Variants in NEB observed in about 807,000 individuals in gnomAD.
NEB encodes nebulin.
Under a neutral mutation model 952.2 loss-of-function variants are expected in NEB, and 512 were observed. The observed-to-expected ratio is 0.54, with a 90% CI of 0.50 to 0.58. The LOEUF is 0.58. NEB is among the 20% of genes least tolerant of loss of function. The probability of loss-of-function intolerance (pLI) is 0.00; values close to 1 mark genes in which losing one functional copy is unlikely to be tolerated. For synonymous variants in NEB, 2,900 were observed against 3,149.8 expected (o/e 0.92, Z 2.66); for missense variants, 8,428 against 9,231.1 (o/e 0.91, Z 3.56).
In NEB at chr2:151,531,897, C is replaced by T. The variant is rs2153501801; in HGVS notation, c.21418-1G>A. The T allele has an allele frequency of 6.5e-7, 1 of 1,537,654 alleles. No individual in the cohort carries two copies. The highest frequency in any genetic ancestry group is 8.8e-7 in the Non-Finnish European group (1 of 1,134,616). ...TTTCATAGTTTTTCCTGTATTTGATCTAAATTGTGGAAGAGAAGAAAGAGC... is the reference window on the plus strand; with the variant it reads ...TTTCATAGTTTTTCCTGTATTTGATTTAAATTGTGGAAGAGAAGAAAGAGC... On this transcript the variant is annotated splice_acceptor_variant, in intron 143 of 181. Transcript: ENST00000397345. LOFTEE classifies it high-confidence loss of function.
intron 146 of NEB, among the ~76,000 whole-genome samples, chr2:151,528,224 C>T (rs1298026724): frequency 6.6e-6 from 1 of 152,146 alleles, no homozygotes; most frequent in African/African-American, 2.4e-5. Context: ...CAAATCTGAG[C>T]CACAGAAGTG....
At position 151,605,345 on chromosome 2, in the gene NEB, C is replaced by T. The variant is rs1394501002; in HGVS notation, c.12748-474G>A. Among the ~76,000 whole-genome samples, 4 of 114,156 alleles carry T rather than the reference C, an allele frequency of 3.5e-5. 1 individual carries two copies. Among genetic ancestry groups the T allele is most frequent in the Non-Finnish European group, 6.5e-5 (3 of 46,062 alleles). 74.9% of individuals were successfully genotyped at this position (114,156 alleles called of 152,430 possible). On this transcript the variant is annotated intron_variant, in intron 84 of 181. Transcript: ENST00000397345. ...GTGATAATCTCCATCACCAAGCTTC[C>T]CTGACAAGTGCAACATTAGGTCAAA...
chr2:151,607,312 G>A lies in NEB; in HGVS notation c.12639+192C>T, dbSNP rs1341270430. On this transcript the variant is annotated intron_variant, in intron 83 of 181. Coordinates refer to ENST00000397345, the MANE Select transcript of NEB (RefSeq NM_001164508.2). ...ATATCCTGCAGTCTAGGCACCCACC[G>A]ATGTATCCAAGCACTCATTTAAAAG... is the stretch of plus-strand genomic sequence containing the variant. Among the ~76,000 whole-genome samples, 15 of 103,278 alleles carry A rather than the reference G, an allele frequency of 1.5e-4. 3 individuals carry two copies. The highest frequency in any genetic ancestry group is 5.8e-4 in the South Asian group (2 of 3,464). The allele number at this position is 103,278 out of a possible 152,430, so 67.8% of individuals were successfully genotyped here.
intron 12 of NEB, among the ~76,000 whole-genome samples, chr2:151,707,909 G>T (rs1171092361): frequency 6.6e-6 from 1 of 152,170 alleles, no homozygotes; most frequent in Non-Finnish European, 1.5e-5. Flanking sequence ...ACAGTAATGG[G>T]AGACTCAGAT....
intron 168 of NEB, among the ~76,000 whole-genome samples, chr2:151,499,822 G>A (rs925605119): frequency 1.3e-5 from 2 of 152,178 alleles, no homozygotes; most frequent in Non-Finnish European, 2.9e-5. Flanking sequence ...TTGTCATTAA[G>A]TTCAAGTTGT....
chr2:151,679,330 C>T (rs997446113), intron 32 of NEB, among the ~76,000 whole-genome samples: 2 of 151,098 alleles, frequency 1.3e-5, no homozygotes, highest in African/African-American at 2.4e-5. Context: ...ACAGAAGTAA[C>T]GAAGGAAAAA....
At chr2:151,673,237 G>A (rs1248491079) in intron 36 of NEB, among the ~76,000 whole-genome samples, 1 of 152,144 alleles carries the variant, frequency 6.6e-6, no homozygotes, top group Non-Finnish European at 1.5e-5. Flanking sequence ...TCTCACTGCT[G>A]GAATCAGCAA....
rs564270527 is a variant in NEB at position 151,685,826 on chromosome 2, T to C, written c.2638-851A>G. ...ACTCTAAACTCATCCTAGTTTCCCA[T>C]GGTCACATATGTGTTAGAGACGGTG... On this transcript the variant is annotated intron_variant, in intron 27 of 181. Transcript: ENST00000397345. 2.0e-5 allele frequency among the ~76,000 whole-genome samples: 3 copies of C among 152,310 alleles called. No homozygotes were observed. In the South Asian group the frequency reaches 6.2e-4, roughly 32 times the overall value.
chr2:151,722,261 C>T (rs1216740049), intron 9 of NEB, among the ~76,000 whole-genome samples: 8 of 152,154 alleles, frequency 5.3e-5, no homozygotes, highest in African/African-American at 1.7e-4. Context: ...TATGGCCTCC[C>T]GCAAATCCAA....
chr2:151,504,585 C>T (rs1183412055), intron 165 of NEB, among the ~76,000 whole-genome samples: 1 of 152,108 alleles, frequency 6.6e-6, no homozygotes, highest in Non-Finnish European at 1.5e-5. Context: ...TATCAAGTAT[C>T]CTAAAGAAAA....
chr2:151,502,807 C>CTTGA lies in NEB; in HGVS notation c.23910_23913dup (p.Glu7972SerfsTer5), dbSNP rs761694639. ...CTAAGAAATACCGAGCTAAAGTTCT[C>CTTGA]TTGATTGCGTTTGACTCTCTCCATC... On this transcript the variant is annotated frameshift_variant, in exon 167 of 182. Transcript: ENST00000397345. LOFTEE classifies it high-confidence loss of function. 2 of 1,595,972 alleles carry CTTGA rather than the reference C, an allele frequency of 1.3e-6. No homozygotes were observed. The highest frequency in any genetic ancestry group is 2.2e-5 in the East Asian group (1 of 44,458).
chr2:151,540,249 G>T, intron 138 of NEB, 95 bp downstream of exon 138: 1 of 750,724 alleles, frequency 1.3e-6, no homozygotes. Flanking sequence ...CCATGGTTTA[G>T]AACTATGGAT....
chr2:151,548,885 T>C (rs547052441), intron 130 of NEB, among the ~76,000 whole-genome samples: 1 of 152,316 alleles, frequency 6.6e-6, no homozygotes, highest in Non-Finnish European at 1.5e-5. Flanking sequence ...TTGGGTCCTT[T>C]CTGGCCACTA....
rs2098897930 is a variant in NEB at position 151,642,880 on chromosome 2, C to T, written c.8161-11G>A. On this transcript the variant is annotated splice_polypyrimidine_tract_variant and intron_variant, in intron 58 of 181. Transcript: ENST00000397345. The stretch of plus-strand genomic sequence containing the variant: ...TTCTGTATAGAGGCGCTAAGAGAAA[C>T]AGAAAAACATGACTGGTATAGGCCA... 1.9e-6 allele frequency: 3 copies of T among 1,579,630 alleles called. No individual in the cohort carries two copies. The highest frequency in any genetic ancestry group is 2.6e-6 in the Non-Finnish European group (3 of 1,155,348).
At chr2:151,637,458 G>C (rs1035376070) in intron 63 of NEB, among the ~76,000 whole-genome samples, 4 of 152,110 alleles carry the variant, frequency 2.6e-5, no homozygotes, top group Non-Finnish European at 5.9e-5. Flanking sequence ...CTAAGAAGTT[G>C]GTGTTTAATT....
At position 151,568,308 on chromosome 2, in the gene NEB, A is replaced by G. The variant is rs374776885; in HGVS notation, c.17736+8T>C. 4 of 1,611,556 alleles carry G rather than the reference A, an allele frequency of 2.5e-6. No individual in the cohort carries two copies. In the African/African-American group the frequency reaches 5.4e-5, roughly 22 times the overall value. On this transcript the variant is annotated splice_region_variant and intron_variant, in intron 112 of 181. Coordinates refer to ENST00000397345, the MANE Select transcript of NEB (RefSeq NM_001164508.2). ...CACAAACACCAGGCATGTGGGTGAAACCCATACCTGGTCCAGTATCCTAGC... is the reference window on the plus strand; with the variant it reads ...CACAAACACCAGGCATGTGGGTGAAGCCCATACCTGGTCCAGTATCCTAGC...
At chr2:151,633,588 A>G (rs1266046354) in intron 65 of NEB, 66 bp downstream of exon 65, 1 of 1,533,558 alleles carries the variant, frequency 6.5e-7, no homozygotes, top group Non-Finnish European at 8.8e-7. Flanking sequence ...ATTGTATATA[A>G]AGGATAATTT....
intron 142 of NEB, 85 bp downstream of exon 142, chr2:151,535,604 CTG>C (rs1465181766): frequency 9.6e-6 from 7 of 727,518 alleles, no homozygotes; most frequent in Non-Finnish European, 1.1e-5. Context: ...TCCTGTCATT[CTG>C]TGTATTGGGC....
chr2:151,541,450 A>T lies in NEB; in HGVS notation c.20679T>A (p.Ser6893Arg), dbSNP rs542013157. 1 of 1,610,806 alleles carries T rather than the reference A, an allele frequency of 6.2e-7. No individual in the cohort carries two copies. Among genetic ancestry groups the T allele is most frequent in the Admixed American group, 1.7e-5 (1 of 59,840 alleles). ...GCTTATGAACCTCTGAGCTTACCTG[A>T]CTCTGAAGCTTCTGCCCTCGCTTGG... ...LRAKRGQKLQ[S>R]QYLYVELATK... Residue 6893 changes from serine (S) to arginine (R), a missense_variant, in exon 136 of 182, where the codon AGT (serine) becomes AGA (arginine). Ser to Arg is a moderately radical substitution (Grantham distance 110, BLOSUM62 -1). Around this residue, in one of 11 missense-constraint regions of NEB, gnomAD observed 3,374 missense variants for 3,651.5 expected, o/e 0.92. Transcript: ENST00000397345.
Sources: gnomAD v4.1 joint callset for allele counts (sites outside exome capture counted in the v4.1 genomes callset) on GRCh38, gnomAD v4.1.1 for gene constraint, gnomAD v4.1.1 regional missense constraint, MANE v1.5 for transcripts, NCBI Gene and HGNC (gene_info 2026-07-23, HGNC 2026-07-21) for gene names.